AK9: variants seen among roughly 807,000 people sequenced by gnomAD.
The protein encoded by AK9 is adenylate kinase domain containing 1.
A neutral mutation model predicts 239.6 loss-of-function variants in AK9; 191 were observed. That is an observed-to-expected ratio of 0.80 (90% CI 0.71 to 0.90). AK9 has a LOEUF of 0.90. Ranked by LOEUF, AK9 falls within the 40% of genes least tolerant of loss-of-function variation. The pLI is 0.00. For synonymous variants in AK9, 689 were observed against 721.0 expected, an observed-to-expected ratio of 0.96 and a Z score of 0.71; for missense variants, 1,995 against 2,214.7, an observed-to-expected ratio of 0.90 and a Z score of 1.99.
intron 29 of AK9, among the ~76,000 whole-genome samples, chr6:109,519,783 A>T: frequency 6.6e-6 from 1 of 151,922 alleles, no homozygotes; most frequent in East Asian, 1.9e-4. Flanking sequence ...TCAAAAAAAA[A>T]AAAAAATAGC....
intron 1 of AK9, among the ~76,000 whole-genome samples, chr6:109,690,187 G>T (rs1774133806): frequency 1.3e-5 from 2 of 152,116 alleles, no homozygotes; most frequent in Admixed American, 6.5e-5. Flanking sequence ...GGTTTCTGAG[G>T]TTTAGAGGTT....
chr6:109,666,796 C>CTGATGTAGCCTTG (rs1203311233), intron 5 of AK9, among the ~76,000 whole-genome samples: 1 of 152,358 alleles, frequency 6.6e-6, no homozygotes, highest in East Asian at 1.9e-4. Context: ...TCTGGCCAGG[C>CTGATGTAGCCTTG]TGATGTAGCC....
intron 21 of AK9, among the ~76,000 whole-genome samples, chr6:109,572,275 T>C (rs1787521003): frequency 6.6e-6 from 1 of 152,166 alleles, no homozygotes; most frequent in Non-Finnish European, 1.5e-5. Flanking sequence ...CATTGGCTTC[T>C]ACCATCTAGG....
rs1364823522 is a variant in AK9 at position 109,610,508 on chromosome 6, T to C, written c.1699A>G (p.Thr567Ala). 1.7e-5 allele frequency: 26 copies of C among 1,550,482 alleles called. No individual in the cohort carries two copies. In the Admixed American group the frequency reaches 4.5e-4, roughly 27 times the overall value. The change falls in exon 17 of 41, where the codon ACA (threonine) becomes GCA (alanine). Residue 567 changes from threonine to alanine, a missense_variant. By Grantham distance (58) the Thr-to-Ala change is moderately conservative (BLOSUM62 0). Coordinates refer to ENST00000424296, the MANE Select transcript of AK9 (RefSeq NM_001145128.3). ...GTTACCTCTTCTATCAAGTCTTCTGTTGGGGCTAAAGTAAAATAAGCTGAT... is the reference window on the plus strand; with the variant it reads ...GTTACCTCTTCTATCAAGTCTTCTGCTGGGGCTAAAGTAAAATAAGCTGAT... ...DVKLYSDTAP[T>A]EDLIEEVTAD...
intron 24 of AK9, among the ~76,000 whole-genome samples, chr6:109,562,812 C>T (rs573095649): frequency 2.2e-4 from 33 of 151,990 alleles, no homozygotes; most frequent in African/African-American, 7.0e-4. Context: ...GTATTACAGC[C>T]GGCCTGATAA....
At chr6:109,522,960 A>G (rs2128124134) in intron 29 of AK9, among the ~76,000 whole-genome samples, 1 of 152,254 alleles carries the variant, frequency 6.6e-6, no homozygotes. Context: ...TCTTCCAGAC[A>G]GATTATTTCA....
In AK9 at chr6:109,691,085, GATAA is replaced by G. The variant is rs1330257155; in HGVS notation, c.-12+58_-12+61del. On this transcript the variant is annotated intron_variant, in intron 1 of 40. Coordinates refer to ENST00000424296, the MANE Select transcript of AK9 (RefSeq NM_001145128.3). The stretch of plus-strand genomic sequence containing the variant: ...CGCTTTTTTCCAAAGAGAGGGAGGA[GATAA>G]ATAGACTCAATTAATCCGTCGACTT... The G allele has an allele frequency of 1.0e-5, 4 of 392,206 alleles. No individual in the cohort carries two copies. The East Asian group carries it at 1.4e-4, about 14-fold the overall frequency. 24.3% of individuals were successfully genotyped at this position (392,206 alleles called of 1,614,324 possible).
At chr6:109,622,959 T>C (rs1383336961) in intron 12 of AK9, among the ~76,000 whole-genome samples, 1 of 152,100 alleles carries the variant, frequency 6.6e-6, no homozygotes, top group Non-Finnish European at 1.5e-5. Flanking sequence ...TAGGTACACA[T>C]CGAAATTAGG....
intron 25 of AK9, among the ~76,000 whole-genome samples, chr6:109,546,489 C>T (rs890737367): frequency 2.6e-5 from 4 of 152,176 alleles, no homozygotes; most frequent in African/African-American, 9.7e-5. Context: ...AGAAAGCCCA[C>T]TAATAATAAA....
At chr6:109,548,340 C>A (rs1461590287) in intron 25 of AK9, among the ~76,000 whole-genome samples, 1 of 151,920 alleles carries the variant, frequency 6.6e-6, no homozygotes, top group Non-Finnish European at 1.5e-5. Flanking sequence ...TGAAAACAGC[C>A]CCTATCAGAG....
chr6:109,638,625 A>G (rs897343733), intron 10 of AK9, among the ~76,000 whole-genome samples: 2 of 152,078 alleles, frequency 1.3e-5, no homozygotes, highest in Admixed American at 1.3e-4. Context: ...GACGATGGGC[A>G]TGTGCTATCA....
intron 21 of AK9, among the ~76,000 whole-genome samples, chr6:109,570,932 A>G (rs114552300): frequency 0.021 from 3,167 of 152,284 alleles, 100 homozygotes; most frequent in African/African-American, 0.073. Context: ...GTAGGAAAAG[A>G]ACGAAAAGAA....
At chr6:109,622,451 T>G (rs1240205777) in intron 12 of AK9, among the ~76,000 whole-genome samples, 1 of 142,718 alleles carries the variant, frequency 7.0e-6, no homozygotes, top group African/African-American at 2.5e-5. Context: ...TATACATCAA[T>G]GTATAATATA....
At chr6:109,614,604 T>A in intron 13 of AK9, 124 bp from the exon 14 acceptor site, 1 of 732,372 alleles carries the variant, frequency 1.4e-6, no homozygotes, top group Non-Finnish European at 2.3e-6. Flanking sequence ...TTATAAGCTG[T>A]AAGGGCTGTG....
At chr6:109,535,639 G>A (rs1482392344) in intron 27 of AK9, among the ~76,000 whole-genome samples, 2 of 152,264 alleles carry the variant, frequency 1.3e-5, no homozygotes, top group Admixed American at 1.3e-4. Context: ...TTTGGCTTTT[G>A]TTGCCATTGC....
chr6:109,652,004 A>T (rs1223736975), intron 8 of AK9, among the ~76,000 whole-genome samples: 1 of 152,204 alleles, frequency 6.6e-6, no homozygotes, highest in African/African-American at 2.4e-5. Context: ...ATTCCTTCTG[A>T]AATTATTCCA....
At chr6:109,569,603 T>C (rs1293797833) in intron 21 of AK9, among the ~76,000 whole-genome samples, 1 of 151,808 alleles carries the variant, frequency 6.6e-6, no homozygotes, top group African/African-American at 2.4e-5. Flanking sequence ...AACAACCCCA[T>C]CAAAAAGTGG....
At position 109,506,764 on chromosome 6, in the gene AK9, T is replaced by G; in HGVS notation, c.4518A>C (p.Gln1506His). The part of the protein sequence containing the change: ...VIDGYPVTKH[Q>H]MNLLEARSII... ...TTGACCTAGCTTCCAAGAGATTCAT[T>G]TGATGTTTAGTTACAGGATATCCAT... The change falls in exon 34 of 41, where the codon CAA (glutamine) becomes CAC (histidine). Residue 1506 changes from glutamine to histidine, a missense_variant. By Grantham distance (24) the Gln-to-His change is conservative. Transcript: ENST00000424296. 9 of 1,521,844 alleles carry G rather than the reference T, an allele frequency of 5.9e-6. No individual in the cohort carries two copies. Among genetic ancestry groups the G allele is most frequent in the Non-Finnish European group, 8.0e-6 (9 of 1,127,114 alleles). The allele number at this position is 1,521,844 out of a possible 1,614,324, so 94.3% of individuals were successfully genotyped here.
chr6:109,673,567 T>C (rs1771244251), intron 3 of AK9, among the ~76,000 whole-genome samples: 1 of 152,008 alleles, frequency 6.6e-6, no homozygotes, highest in Non-Finnish European at 1.5e-5. Context: ...TCTTATATAT[T>C]GCAAAGAATG....
Sources: allele counts gnomAD v4.1 joint callset (sites outside exome capture counted in the v4.1 genomes callset), GRCh38; gene constraint gnomAD v4.1.1; transcripts MANE v1.5; gene names NCBI Gene and HGNC (gene_info 2026-07-23, HGNC 2026-07-21).